The following DOCK7 variants were observed in gnomAD, a reference collection of about 807,000 sequenced individuals.
DOCK7 encodes the protein dedicator of cytokinesis 7.
Under a neutral mutation model 271.0 loss-of-function variants are expected in DOCK7, and 138 were observed. That is an observed-to-expected ratio of 0.51 (90% CI 0.44 to 0.59). The LOEUF (loss-of-function observed/expected upper bound fraction) is 0.59, where lower values mean the gene tolerates loss of function less well. DOCK7 is among the 20% of genes least tolerant of loss of function. The pLI, the probability that DOCK7 is intolerant of heterozygous loss-of-function variation, is 0.00. For missense variants in DOCK7, 2,066 were observed against 2,592.4 expected (o/e 0.80, Z 4.41); for synonymous variants, 823 against 876.1 (o/e 0.94, Z 1.07).
intron 13 of DOCK7, 149 bp downstream of exon 13, chr1:62,619,751 G>C (rs1652907739): frequency 2.1e-6 from 1 of 472,674 alleles, no homozygotes; most frequent in Non-Finnish European, 3.8e-6. Context: ...TCACATGATA[G>C]TTAATAAAGT....
intron 39 of DOCK7, chr1:62,495,114 G>A (rs1055667706): frequency 6.6e-6 from 1 of 152,042 alleles, no homozygotes; most frequent in African/African-American, 2.4e-5. Flanking sequence ...TATTGGTATG[G>A]GCCTTCAAAG....
chr1:62,681,541 T>TAAAAAAAAAAAAAAAA (rs972472061), intron 1 of DOCK7, among the ~76,000 whole-genome samples: 3 of 11,034 alleles, frequency 2.7e-4, no homozygotes, highest in Non-Finnish European at 1.8e-3. Context: ...TAATAAAAAA[T>TAAAAAAAAAAAAAAAA]AAAAAAAATA....
At chr1:62,536,722 A>G (rs922889676) in intron 28 of DOCK7, among the ~76,000 whole-genome samples, 1 of 152,246 alleles carries the variant, frequency 6.6e-6, no homozygotes, top group African/African-American at 2.4e-5. Flanking sequence ...CAGGAATTAA[A>G]TATATTGAAA....
chr1:62,597,278 A>C (rs1367270078), intron 14 of DOCK7, among the ~76,000 whole-genome samples: 2 of 152,204 alleles, frequency 1.3e-5, no homozygotes, highest in Non-Finnish European at 2.9e-5. Context: ...AAAAACAGGT[A>C]GTCACCATAG....
chr1:62,646,685 C>CG (rs1239598016), intron 7 of DOCK7, among the ~76,000 whole-genome samples: 1 of 152,182 alleles, frequency 6.6e-6, no homozygotes. Flanking sequence ...CTTCTAGCCT[C>CG]TACAACTCTG....
chr1:62,503,620 T>C (rs1646850614), intron 37 of DOCK7, among the ~76,000 whole-genome samples: 1 of 151,990 alleles, frequency 6.6e-6, no homozygotes, highest in Admixed American at 6.6e-5. Context: ...ATTTATTTTT[T>C]TGTAGAGATA....
At chr1:62,570,630 G>T (rs1216146277) in intron 18 of DOCK7, among the ~76,000 whole-genome samples, 1 of 152,060 alleles carries the variant, frequency 6.6e-6, no homozygotes, top group African/African-American at 2.4e-5. Flanking sequence ...AAACCTGGAG[G>T]CATCACGCTA....
At chr1:62,551,827 T>C (rs967702211) in intron 22 of DOCK7, among the ~76,000 whole-genome samples, 11 of 151,306 alleles carry the variant, frequency 7.3e-5, no homozygotes, top group Admixed American at 3.3e-4. Flanking sequence ...TTAAAAATCA[T>C]TGATCCATTT....
Position 62,455,347 on chromosome 1 carries a change from T to C in DOCK7, c.*67A>G. ...AATTCCATTCCATGTTGTTTTCCAA[T>C]AGATCTTTTCACACTCGATGTTGAA... On this transcript the variant is annotated 3_prime_UTR_variant, in exon 50 of 50. Coordinates refer to ENST00000635253, the MANE Select transcript of DOCK7 (RefSeq NM_001367561.1). The C allele has an allele frequency of 1.3e-6, 2 of 1,527,696 alleles. No homozygotes were observed. Among genetic ancestry groups the C allele is most frequent in the Admixed American group, 1.7e-5 (1 of 59,784 alleles). 94.6% of individuals were successfully genotyped at this position (1,527,696 alleles called of 1,614,324 possible).
chr1:62,649,885 T>C (rs1657124072), intron 4 of DOCK7, among the ~76,000 whole-genome samples: 1 of 152,168 alleles, frequency 6.6e-6, no homozygotes, highest in African/African-American at 2.4e-5. Flanking sequence ...CCCCCAGATA[T>C]TTACAGGGCT....
chr1:62,546,246 C>G (rs1312873274), intron 22 of DOCK7, among the ~76,000 whole-genome samples: 1 of 152,008 alleles, frequency 6.6e-6, no homozygotes, highest in Non-Finnish European at 1.5e-5. Flanking sequence ...GTGAGTGCGG[C>G]CCAGACATCA....
intron 30 of DOCK7, 73 bp from the exon 31 acceptor site, chr1:62,528,378 T>G: frequency 1.5e-6 from 2 of 1,369,820 alleles, no homozygotes; most frequent in Non-Finnish European, 2.0e-6. Context: ...TTCTCCACTA[T>G]TCTTTAAAAG....
At chr1:62,655,929 T>C (rs1657967866) in intron 2 of DOCK7, among the ~76,000 whole-genome samples, 1 of 152,202 alleles carries the variant, frequency 6.6e-6, no homozygotes, top group Admixed American at 6.5e-5. Context: ...TCTGAAAATA[T>C]AATAGCCACA....
intron 1 of DOCK7, among the ~76,000 whole-genome samples, chr1:62,681,376 G>C (rs1382026134): frequency 3.1e-5 from 4 of 129,404 alleles, no homozygotes; most frequent in Non-Finnish European, 6.5e-5. Context: ...CACACACCAG[G>C]GCCTGTCGTG....
intron 7 of DOCK7, among the ~76,000 whole-genome samples, chr1:62,640,857 T>C (rs1655935626): frequency 6.6e-6 from 1 of 152,244 alleles, no homozygotes; most frequent in Admixed American, 6.5e-5. Flanking sequence ...AAGTAGCTGG[T>C]TGTTCCTACT....
chr1:62,665,040 G>A (rs1314834254), intron 1 of DOCK7, among the ~76,000 whole-genome samples: 3 of 152,196 alleles, frequency 2.0e-5, no homozygotes, highest in Non-Finnish European at 4.4e-5. Context: ...ATGCTGGAGT[G>A]CAGTGGCGCG....
intron 14 of DOCK7, among the ~76,000 whole-genome samples, chr1:62,610,510 A>C (rs1651633594): frequency 6.6e-6 from 1 of 152,126 alleles, no homozygotes; most frequent in Non-Finnish European, 1.5e-5. Context: ...ATACATGCGC[A>C]GAACGTGCAG....
Position 62,535,482 on chromosome 1 carries a change from A to G in DOCK7, c.3611+11T>C, listed in dbSNP as rs1268438170. 6.2e-7 allele frequency: 1 copy of G among 1,611,050 alleles called. No homozygotes were observed. Among genetic ancestry groups the G allele is most frequent in the Non-Finnish European group, 8.5e-7 (1 of 1,178,686 alleles). ...ACTCATATTCTACAAGGTAAAAACT[A>G]GTGTACTCACCCTTCAGCATCAGGG... is the stretch of plus-strand genomic sequence containing the variant. On this transcript the variant is annotated intron_variant, in intron 29 of 49. Coordinates refer to ENST00000635253, the MANE Select transcript of DOCK7 (RefSeq NM_001367561.1).
Position 62,673,163 on chromosome 1 carries a change from C to A in DOCK7, c.39-10033G>T, listed in dbSNP as rs74992794. On this transcript the variant is annotated intron_variant, in intron 1 of 49. Transcript: ENST00000635253. The stretch of plus-strand genomic sequence containing the variant: ...GCTCAAGAAAACTAAAACATATACA[C>A]GTTGATATGTGAAACAAAACCAAAA... Among the ~76,000 whole-genome samples, 267 of 152,164 alleles carry A rather than the reference C, an allele frequency of 1.8e-3. 2 individuals carry two copies. Among genetic ancestry groups the A allele is most frequent in the African/African-American group, 5.8e-3 (242 of 41,546 alleles).
Sources: allele counts gnomAD v4.1 joint callset (sites outside exome capture counted in the v4.1 genomes callset), GRCh38; gene constraint gnomAD v4.1.1; transcripts MANE v1.5; gene names NCBI Gene and HGNC (gene_info 2026-07-23, HGNC 2026-07-21).